MED12L: variants seen among roughly 807,000 people sequenced by gnomAD.
MED12L encodes mediator of RNA polymerase II transcription subunit 12-like protein.
MED12L carries 60 observed loss-of-function variants against 281.3 expected under a neutral mutation model. The observed-to-expected ratio is 0.21, with a 90% CI of 0.17 to 0.26. MED12L has a LOEUF of 0.26. MED12L is among the 10% of genes least tolerant of loss of function. The pLI, the probability that MED12L is intolerant of heterozygous loss-of-function variation, is 1.00. For synonymous variants in MED12L, 974 were observed against 987.2 expected, an observed-to-expected ratio of 0.99 and a Z score of 0.25; for missense variants, 2,146 against 2,680.9, an observed-to-expected ratio of 0.80 and a Z score of 4.41.
At chr3:151,284,949 C>G (rs763092838) in intron 16 of MED12L, among the ~76,000 whole-genome samples, 1 of 152,108 alleles carries the variant, frequency 6.6e-6, no homozygotes, top group Non-Finnish European at 1.5e-5. Flanking sequence ...ATTTAAGGAA[C>G]AGCTGTGCTG....
chr3:151,254,793 C>T (rs1737515262), intron 16 of MED12L, among the ~76,000 whole-genome samples: 1 of 152,180 alleles, frequency 6.6e-6, no homozygotes, highest in Non-Finnish European at 1.5e-5. Context: ...ACCGGAGAGA[C>T]CTCTAGCTTA....
intron 16 of MED12L, among the ~76,000 whole-genome samples, chr3:151,247,536 C>G (rs532768834): frequency 9.4e-5 from 14 of 149,064 alleles, no homozygotes; most frequent in African/African-American, 3.2e-4. Flanking sequence ...ACTGCATATT[C>G]TCACTCATAG....
At chr3:151,193,016 C>T (rs1166007993) in intron 15 of MED12L, among the ~76,000 whole-genome samples, 2 of 152,098 alleles carry the variant, frequency 1.3e-5, no homozygotes, top group South Asian at 2.1e-4. Flanking sequence ...GCCTATTATG[C>T]ATTCTTCTAC....
At chr3:151,432,246 A>G (rs16863382) in intron 44 of MED12L, among the ~76,000 whole-genome samples, 18,822 of 152,274 alleles carry the variant, frequency 0.12, 1,543 homozygotes, top group East Asian at 0.39. Flanking sequence ...ATGCATGTCT[A>G]CATAGGCACA....
In MED12L at chr3:151,350,121, G is replaced by A; in HGVS notation, c.2313G>A (p.Glu771=). The change falls in exon 17 of 45, where the codon GAG becomes GAA. Residue 771 remains glutamate (E), a synonymous_variant. Coordinates refer to ENST00000687756, the MANE Select transcript of MED12L (RefSeq NM_001393769.1). ...RTILLYGVGK[E]RDEARHQLKK... ...TCCTTCTCTATGGAGTCGGCAAAGA[G>A]CGTGATGAAGCAAGGCATCAGCTGA... 2 of 1,613,592 alleles carry A rather than the reference G, an allele frequency of 1.2e-6. No homozygotes were observed. Among genetic ancestry groups the A allele is most frequent in the South Asian group, 1.1e-5 (1 of 91,034 alleles).
rs538675728 is a variant in MED12L, at chr3:151,182,485, AG to A, written c.1495-2842del. Among the ~76,000 whole-genome samples the A allele has an allele frequency of 1.5e-3, 230 of 152,340 alleles. 1 individual carries two copies. Among genetic ancestry groups the A allele is most frequent in the African/African-American group, 5.4e-3 (223 of 41,574 alleles). On this transcript the variant is annotated intron_variant, in intron 11 of 44. Coordinates refer to ENST00000687756, the MANE Select transcript of MED12L (RefSeq NM_001393769.1). ...CAAATGAAATAGCATGACGTTTGCA[AG>A]GGTGGCCAGGGAGCCTCTGGTCAGC...
Position 151,387,872 on chromosome 3 carries a change from C to T in MED12L, c.5151C>T (p.Asn1717=), listed in dbSNP as rs1431176508. The change falls in exon 37 of 45, where the codon AAC becomes AAT. Residue 1717 remains asparagine (N), a synonymous_variant. Coordinates refer to ENST00000687756, the MANE Select transcript of MED12L (RefSeq NM_001393769.1). ...SPWDLFEGQK[N]PAPLSWAWFG... ...GGGACTTGTTTGAGGGTCAGAAGAA[C>T]CCAGCTCCTTTGTCCTGGGCCTGGT... The T allele has an allele frequency of 1.2e-6, 2 of 1,614,094 alleles. No individual in the cohort carries two copies. Among genetic ancestry groups the T allele is most frequent in the South Asian group, 1.1e-5 (1 of 91,076 alleles).
chr3:151,271,283 C>G (rs1167117156), intron 16 of MED12L, among the ~76,000 whole-genome samples: 1 of 152,048 alleles, frequency 6.6e-6, no homozygotes, highest in Non-Finnish European at 1.5e-5. Flanking sequence ...CCTCACTTGT[C>G]AACAGGGAAA....
At chr3:151,417,487 C>CCCTCCTTT (rs1717736742) in intron 43 of MED12L, among the ~76,000 whole-genome samples, 1 of 78,818 alleles carries the variant, frequency 1.3e-5, no homozygotes, top group Non-Finnish European at 2.3e-5. Flanking sequence ...CCCCCCCCGC[C>CCCTCCTTT]TTTTTTTTTT....
chr3:151,133,821 C>T (rs1360231201), intron 5 of MED12L, among the ~76,000 whole-genome samples: 1 of 152,118 alleles, frequency 6.6e-6, no homozygotes, highest in African/African-American at 2.4e-5. Flanking sequence ...CTAGCTAATA[C>T]TTAAAAATGA....
intron 16 of MED12L, among the ~76,000 whole-genome samples, chr3:151,240,185 A>G (rs530360554): frequency 6.6e-6 from 1 of 151,966 alleles, no homozygotes; most frequent in South Asian, 2.1e-4. Flanking sequence ...TACTTAAGGT[A>G]GTAGGTAGTC....
intron 16 of MED12L, chr3:151,198,797 A>G: frequency 1.2e-6 from 2 of 1,613,732 alleles, no homozygotes; most frequent in African/African-American, 1.3e-5. Flanking sequence ...GCAATTGGAT[A>G]TTAAAATGAT....
intron 5 of MED12L, among the ~76,000 whole-genome samples, chr3:151,137,175 A>AAAAAACAAAAAAAAAAG (rs1716272474): frequency 9.7e-5 from 12 of 123,680 alleles, no homozygotes; most frequent in African/African-American, 3.1e-4. Flanking sequence ...AAAAAAAGAA[A>AAAAAACAAAAAAAAAAG]AAAAAAAAAA....
intron 20 of MED12L, 52 bp downstream of exon 20, chr3:151,357,428 A>G: frequency 1.4e-6 from 2 of 1,475,272 alleles, no homozygotes; most frequent in Non-Finnish European, 1.8e-6. Flanking sequence ...ATGTATAACT[A>G]GTGATGAAAT....
intron 16 of MED12L, among the ~76,000 whole-genome samples, chr3:151,265,221 A>C (rs1559957758): frequency 6.6e-6 from 1 of 152,178 alleles, no homozygotes; most frequent in Non-Finnish European, 1.5e-5. Flanking sequence ...AAGGGGAGCT[A>C]CTCATAGAAT....
intron 5 of MED12L, among the ~76,000 whole-genome samples, chr3:151,138,821 G>A (rs1716515096): frequency 6.6e-6 from 1 of 152,120 alleles, no homozygotes; most frequent in Non-Finnish European, 1.5e-5. Context: ...GTTTTACAGT[G>A]TAAAGTTATT....
chr3:151,160,486 A>G (rs1419232571), intron 8 of MED12L, among the ~76,000 whole-genome samples: 7 of 152,132 alleles, frequency 4.6e-5, no homozygotes, highest in African/African-American at 9.7e-5. Flanking sequence ...TTAAAGTCCA[A>G]ATCGTATCGG....
intron 16 of MED12L, among the ~76,000 whole-genome samples, chr3:151,309,366 C>G (rs572302013): frequency 6.6e-6 from 1 of 152,202 alleles, no homozygotes; most frequent in East Asian, 1.9e-4. Context: ...ATGCATTTTC[C>G]TGCTATTCAC....
intron 16 of MED12L, chr3:151,328,891 G>T: frequency 1.2e-6 from 2 of 1,614,068 alleles, no homozygotes; most frequent in Non-Finnish European, 1.7e-6. Context: ...TGCCGGTCAA[G>T]AAAACCACTG....
Sources: allele counts gnomAD v4.1 joint callset (sites outside exome capture counted in the v4.1 genomes callset), GRCh38; gene constraint gnomAD v4.1.1; transcripts MANE v1.5; gene names NCBI Gene and HGNC (gene_info 2026-07-23, HGNC 2026-07-21).